Variants in BOD1L1 observed in about 807,000 individuals in gnomAD.
The protein encoded by BOD1L1 is biorientation of chromosomes in cell division 1 like 1, also known as biorientation of chromosomes in cell division protein 1-like 1.
BOD1L1 carries 86 observed loss-of-function variants against 240.7 expected under a neutral mutation model. The ratio of observed to expected loss-of-function variants is 0.36; its 90% CI spans 0.30 to 0.43. The LOEUF (loss-of-function observed/expected upper bound fraction) is 0.43. BOD1L1 is among the 20% of genes least tolerant of loss of function. BOD1L1 has a pLI of 1.00. For missense variants in BOD1L1, 3,554 were observed against 3,643.5 expected, an observed-to-expected ratio of 0.98 and a Z score of 0.63; for synonymous variants, 1,268 against 1,272.3, an observed-to-expected ratio of 1.00 and a Z score of 0.07.
chr4:13,617,116 G>A (rs1270149984), intron 2 of BOD1L1, among the ~76,000 whole-genome samples: 1 of 151,634 alleles, frequency 6.6e-6, no homozygotes, highest in Non-Finnish European at 1.5e-5. Context: ...GTGGTGGCAC[G>A]TGCCTGTAAT....
At chr4:13,574,190 G>A (rs1415896309) in intron 25 of BOD1L1, among the ~76,000 whole-genome samples, 2 of 152,160 alleles carry the variant, frequency 1.3e-5, no homozygotes, top group Admixed American at 6.5e-5. Flanking sequence ...TGCTAAGGAG[G>A]ATGTGGCTTT....
rs1422750148 is a variant in BOD1L1 at position 13,574,981 on chromosome 4, G to A, written c.9038+1857C>T. ...GTCACCCAGGCTGGAGTGCAATGGC[G>A]TGATCTCGGCTCACTGCAACCTCCA... is the stretch of plus-strand genomic sequence containing the variant. On this transcript the variant is annotated intron_variant, in intron 25 of 25. Transcript: ENST00000040738. Among the ~76,000 whole-genome samples, 20 of 151,404 alleles carry A rather than the reference G, an allele frequency of 1.3e-4. No individual in the cohort carries two copies. The East Asian group carries it at 1.6e-3, about 12-fold the overall frequency.
chr4:13,574,932 T>A (rs1276881714), intron 25 of BOD1L1, among the ~76,000 whole-genome samples: 1 of 139,870 alleles, frequency 7.1e-6, no homozygotes. Context: ...TGTTTTTTTT[T>A]TTTGAGACGG....
intron 1 of BOD1L1, among the ~76,000 whole-genome samples, chr4:13,623,080 T>C (rs1431969908): frequency 6.6e-6 from 1 of 152,198 alleles, no homozygotes; most frequent in African/African-American, 2.4e-5. Flanking sequence ...TATCATCACA[T>C]TGAAACCTAC....
intron 3 of BOD1L1, among the ~76,000 whole-genome samples, 199 bp from the exon 4 acceptor site, chr4:13,615,009 C>G (rs980326539): frequency 6.6e-6 from 1 of 152,058 alleles, no homozygotes; most frequent in Non-Finnish European, 1.5e-5. Context: ...ATTATCTTAG[C>G]GAGGGCACCA....
chr4:13,594,353 G>A (rs1313171574), intron 12 of BOD1L1, among the ~76,000 whole-genome samples: 2 of 152,146 alleles, frequency 1.3e-5, no homozygotes, highest in Non-Finnish European at 2.9e-5. Context: ...GTGGGAAACA[G>A]AAGAAAATAC....
At position 13,603,211 on chromosome 4, in the gene BOD1L1, T is replaced by C. The variant is rs1447594704; in HGVS notation, c.3689A>G (p.Glu1230Gly). 2 of 1,613,908 alleles carry C rather than the reference T, an allele frequency of 1.2e-6. No individual in the cohort carries two copies. Among genetic ancestry groups the C allele is most frequent in the African/African-American group, 2.7e-5 (2 of 74,946 alleles). ...EKEPIHRGTT[E>G]VNIDSETVHR... is the part of the protein sequence containing the mutation. The stretch of plus-strand genomic sequence containing the variant: ...AACAGTTTCAGAATCTATATTCACT[T>C]CAGTAGTTCCTCTATGAATGGGTTC... The change falls in exon 10 of 26, where the codon GAA (glutamate) becomes GGA (glycine). Residue 1230 changes from glutamate to glycine, a missense_variant. Around this residue, in one of 2 missense-constraint regions of BOD1L1, gnomAD observed 3,393 missense variants for 3,427.1 expected, o/e 0.99. Transcript: ENST00000040738.
rs781753047 is a variant in BOD1L1 at position 13,614,538 on chromosome 4, C to T, written c.832G>A (p.Glu278Lys). 3 of 1,613,966 alleles carry T rather than the reference C, an allele frequency of 1.9e-6. No homozygotes were observed. In the Admixed American group the frequency reaches 5.0e-5, roughly 27 times the overall value. The change falls in exon 4 of 26, where the codon GAA (glutamate) becomes AAA (lysine). Residue 278 changes from glutamate to lysine, a missense_variant. Around this residue, in one of 2 missense-constraint regions of BOD1L1, gnomAD observed 3,393 missense variants for 3,427.1 expected, o/e 0.99. Coordinates refer to ENST00000040738, the MANE Select transcript of BOD1L1 (RefSeq NM_148894.3). ...GEGLETAPKS[E>K]EFSDLPCPVE... ...GGACAGGGGAGGTCGCTGAACTCTT[C>T]AGACTTTGGGGCTGTTTCCAGTCCT...
rs779067499 is a variant in BOD1L1, at chr4:13,614,389, G to T, written c.981C>A (p.Asp327Glu). ...TCTTTCTTTCTCCTTTCTCATTGCT[G>T]TCTGGCTTCTTTTCACCTTTGTCTG... ...KSTDKGEKKPDSNEKGERKKE... is the reference protein window; with the variant it reads ...KSTDKGEKKPESNEKGERKKE... The change falls in exon 4 of 26, where the codon GAC becomes GAA. Residue 327 changes from aspartate (D) to glutamate (E), a missense_variant. By Grantham distance (45) the Asp-to-Glu change is conservative. Coordinates refer to ENST00000040738, the MANE Select transcript of BOD1L1 (RefSeq NM_148894.3). 1 of 1,564,806 alleles carries T rather than the reference G, an allele frequency of 6.4e-7. No individual in the cohort carries two copies. Among genetic ancestry groups the T allele is most frequent in the South Asian group, 1.2e-5 (1 of 86,226 alleles).
Position 13,604,620 on chromosome 4 carries a change from G to C in BOD1L1, c.2280C>G (p.His760Gln). The change falls in exon 10 of 26, where the codon CAC becomes CAG. Residue 760 changes from histidine (H) to glutamine (Q), a missense_variant. Coordinates refer to ENST00000040738, the MANE Select transcript of BOD1L1 (RefSeq NM_148894.3). ...MHKTGDETEL[H>Q]SSEKGLKVEE... is the part of the protein sequence containing the mutation. ...CTACTTTTAAACCTTTCTCAGAAGA[G>C]TGAAGCTCAGTCTCATCACCTGTTT... 1.3e-6 allele frequency: 2 copies of C among 1,577,070 alleles called. No homozygotes were observed. Among genetic ancestry groups the C allele is most frequent in the Admixed American group, 2.0e-5 (1 of 49,260 alleles).
Position 13,613,562 on chromosome 4 carries a change from T to A in BOD1L1, c.1274A>T (p.Glu425Val), listed in dbSNP as rs1716347254. ...DLSSFEEDTEEEVVTSDSMEE... is the reference protein window; with the variant it reads ...DLSSFEEDTEVEVVTSDSMEE... ...CATGCTATCAGACGTTACAACTTCC[T>A]CCTCAGTATCTTCTTCAAAAGATGA... Residue 425 changes from glutamate to valine, a missense_variant, in exon 5 of 26, where the codon GAG (glutamate) becomes GTG (valine). Glu to Val is a moderately radical substitution (Grantham distance 121). Around this residue, in one of 2 missense-constraint regions of BOD1L1, gnomAD observed 3,393 missense variants for 3,427.1 expected, o/e 0.99. Coordinates refer to ENST00000040738, the MANE Select transcript of BOD1L1 (RefSeq NM_148894.3). This position sits in a 1 kb window ranked among gnomAD's most constrained non-coding sequence, Gnocchi z 4.0. The A allele has an allele frequency of 6.2e-7, 1 of 1,612,684 alleles. No individual in the cohort carries two copies. Among genetic ancestry groups the A allele is most frequent in the Non-Finnish European group, 8.5e-7 (1 of 1,178,982 alleles).
intron 15 of BOD1L1, among the ~76,000 whole-genome samples, chr4:13,588,262 C>T (rs11731295): frequency 0.75 from 113,503 of 151,854 alleles, 44,734 homozygotes; most frequent in East Asian, 0.96. Flanking sequence ...TTGTAAACTT[C>T]AGTCTCTTTT....
In BOD1L1 at chr4:13,588,729, G is replaced by A. The variant is rs1196338144; in HGVS notation, c.8273C>T (p.Pro2758Leu). The change falls in exon 15 of 26, where the codon CCT becomes CTT. Residue 2758 changes from proline (P) to leucine (L), a missense_variant. Pro to Leu is a moderately conservative substitution (Grantham distance 98, BLOSUM62 -3). Around this residue, in one of 2 missense-constraint regions of BOD1L1, gnomAD observed 3,393 missense variants for 3,427.1 expected, o/e 0.99. Transcript: ENST00000040738. ...GAGTTTATTAAAATGCACCTCTTTA[G>A]GATCTGCTTCAACACTGTGACCGCT... The part of the protein sequence containing the change: ...AISGHSVEAD[P>L]KEVEEEERHM... 3.1e-6 allele frequency: 5 copies of A among 1,599,860 alleles called. No individual in the cohort carries two copies. Among genetic ancestry groups the A allele is most frequent in the Non-Finnish European group, 4.3e-6 (5 of 1,172,720 alleles).
chr4:13,613,657 G>T lies in BOD1L1; in HGVS notation c.1179C>A (p.Phe393Leu). 1.3e-6 allele frequency: 2 copies of T among 1,520,418 alleles called. No individual in the cohort carries two copies. Among genetic ancestry groups the T allele is most frequent in the Non-Finnish European group, 1.8e-6 (2 of 1,126,004 alleles). 94.2% of individuals were successfully genotyped at this position (1,520,418 alleles called of 1,614,324 possible). A position where few individuals can be genotyped will look rare whatever the true frequency, so the allele number is the denominator to read the frequency against. ...CATCCACATCAGAATCTATCAAAGAGAAATCTTCAAGCGGAAAATAAAACA... is the reference window on the plus strand; with the variant it reads ...CATCCACATCAGAATCTATCAAAGATAAATCTTCAAGCGGAAAATAAAACA... Reference protein sequence around the residue: ...AKTVEGTKEDFSLIDSDVDGL... With the variant: ...AKTVEGTKEDLSLIDSDVDGL... Residue 393 changes from phenylalanine (F) to leucine (L), a missense_variant, in exon 5 of 26, where the codon TTC becomes TTA. Transcript: ENST00000040738. The surrounding 1 kb of genome is among the most constrained non-coding windows in gnomAD (Gnocchi z 4.0).
rs10650324 is a variant in BOD1L1 at position 13,619,305 on chromosome 4, TAAAAA to T, written c.368+633_368+637del. ...GCCTGGGGAACAGAATGAGACTCTT[TAAAAA>T]AAAAAAAAAAAAAAGTAGAAGACCG... On this transcript the variant is annotated intron_variant, in intron 2 of 25. Transcript: ENST00000040738. 3.3e-4 allele frequency among the ~76,000 whole-genome samples: 43 copies of T among 130,762 alleles called. 1 individual carries two copies. Among genetic ancestry groups the T allele is most frequent in the African/African-American group, 1.2e-3 (43 of 35,042 alleles). 85.8% of individuals were successfully genotyped at this position (130,762 alleles called of 152,430 possible).
rs1350005149 is a variant in BOD1L1, at chr4:13,599,745, C to T, written c.7155G>A (p.Arg2385=). 1.2e-6 allele frequency: 2 copies of T among 1,613,972 alleles called. No homozygotes were observed. The highest frequency in any genetic ancestry group is 1.7e-6 in the Non-Finnish European group (2 of 1,179,888). The change falls in exon 10 of 26, where the codon CGG becomes CGA. Residue 2385 remains arginine (R), a synonymous_variant. Coordinates refer to ENST00000040738, the MANE Select transcript of BOD1L1 (RefSeq NM_148894.3). Reference sequence around the variant, plus strand: ...TGCCTCCCCTGACTGGCCCAGGACACCGACAGTTATTCTCAGCAATTAGGC... The same window carrying T: ...TGCCTCCCCTGACTGGCCCAGGACATCGACAGTTATTCTCAGCAATTAGGC... ...MPSLIAENNC[R]CPGPVRGGKE...
chr4:13,586,101 A>G (rs944194260), intron 17 of BOD1L1, among the ~76,000 whole-genome samples: 13 of 152,322 alleles, frequency 8.5e-5, no homozygotes, highest in African/African-American at 2.9e-4. Flanking sequence ...CTTTTGGAAG[A>G]AAGCATTTAG....
intron 10 of BOD1L1, among the ~76,000 whole-genome samples, chr4:13,597,854 G>A (rs542981821): frequency 6.6e-6 from 1 of 152,306 alleles, no homozygotes; most frequent in Admixed American, 6.5e-5. Flanking sequence ...AACCCTTGGA[G>A]CATTTCTTAA....
chr4:13,609,341 T>C lies in BOD1L1; in HGVS notation c.1557A>G (p.Arg519=). 10 of 1,560,742 alleles carry C rather than the reference T, an allele frequency of 6.4e-6. No homozygotes were observed. The highest frequency in any genetic ancestry group is 2.5e-5 in the South Asian group (2 of 80,986). ...QINREKLEEK[R]KQKAEKTKSS... ...ACTTTGTCTTTTCTGCTTTCTGTTTTCGTTTTTCTTCAAGTTTTTCTCTAT... is the reference window on the plus strand; with the variant it reads ...ACTTTGTCTTTTCTGCTTTCTGTTTCCGTTTTTCTTCAAGTTTTTCTCTAT... Residue 519 remains arginine (R), a synonymous_variant, in exon 7 of 26, where the codon CGA becomes CGG. Transcript: ENST00000040738.
Sources: gnomAD v4.1 joint callset for allele counts (sites outside exome capture counted in the v4.1 genomes callset) on GRCh38, gnomAD v4.1.1 for gene constraint, gnomAD v4.1.1 regional missense constraint, Gnocchi (gnomAD v3.1) non-coding constraint, MANE v1.5 for transcripts, NCBI Gene and HGNC (gene_info 2026-07-23, HGNC 2026-07-21) for gene names.